GALNT3: variants seen among roughly 807,000 people sequenced by gnomAD.
GALNT3 encodes the protein GalNAc transferase 3.
GALNT3 carries 51 observed loss-of-function variants against 69.8 expected under a neutral mutation model. That is an observed-to-expected ratio of 0.73 (90% confidence interval 0.58 to 0.92). The LOEUF (loss-of-function observed/expected upper bound fraction) is 0.92. Ranked by LOEUF, GALNT3 falls within the 40% of genes least tolerant of loss-of-function variation. The probability of loss-of-function intolerance (pLI) is 0.00; values close to 1 mark genes in which losing one functional copy is unlikely to be tolerated. For synonymous variants in GALNT3, 265 were observed against 248.5 expected, an observed-to-expected ratio of 1.07 and a Z score of -0.63; for missense variants, 711 against 760.0, an observed-to-expected ratio of 0.94 and a Z score of 0.76.
chr2:165,762,548 C>T (rs988784256), intron 3 of GALNT3, among the ~76,000 whole-genome samples: 1 of 152,150 alleles, frequency 6.6e-6, no homozygotes, highest in Non-Finnish European at 1.5e-5. Flanking sequence ...AAATGTTGAG[C>T]CACGTCAGAA....
intron 2 of GALNT3, among the ~76,000 whole-genome samples, chr2:165,767,179 TA>T (rs1412307320): frequency 4.6e-5 from 7 of 151,982 alleles, no homozygotes; most frequent in Non-Finnish European, 1.0e-4. Flanking sequence ...AATATAAGCT[TA>T]TATTTTGAAC....
chr2:165,768,858 A>G (rs1056491202), intron 2 of GALNT3, among the ~76,000 whole-genome samples: 3 of 149,462 alleles, frequency 2.0e-5, no homozygotes, highest in African/African-American at 7.4e-5. Context: ...GCAACGGCAC[A>G]GATCTCCGCT....
intron 1 of GALNT3, among the ~76,000 whole-genome samples, chr2:165,779,127 T>C (rs1683045972): frequency 1.3e-5 from 2 of 152,162 alleles, no homozygotes; most frequent in South Asian, 4.1e-4. Context: ...GAGAAAATCA[T>C]ACTGGGGAGT....
At chr2:165,760,800 T>C (rs779238188) in intron 4 of GALNT3, among the ~76,000 whole-genome samples, 2 of 152,076 alleles carry the variant, frequency 1.3e-5, no homozygotes, top group Non-Finnish European at 2.9e-5. Flanking sequence ...TCATACAAAG[T>C]ATAGCCCACT....
rs754721015 is a variant in GALNT3, at chr2:165,770,622, T to G, written c.79A>C (p.Ile27Leu). 1 of 1,602,000 alleles carries G rather than the reference T, an allele frequency of 6.2e-7. No homozygotes were observed. The highest frequency in any genetic ancestry group is 8.5e-7 in the Non-Finnish European group (1 of 1,175,850). The change falls in exon 2 of 11, where the codon ATT becomes CTT. Residue 27 changes from isoleucine to leucine, a missense_variant. Transcript: ENST00000392701. The stretch of plus-strand genomic sequence containing the variant: ...ACCAAAACTATTATAAAGAAAAAAA[T>G]TACTGCACCAAGCTTCCAGAACTTT... ...HKKFWKLGAVIFFFIIVLVLM... is the reference protein window; with the variant it reads ...HKKFWKLGAVLFFFIIVLVLM...
intron 1 of GALNT3, among the ~76,000 whole-genome samples, chr2:165,777,885 C>T (rs1683001700): frequency 6.6e-6 from 1 of 152,138 alleles, no homozygotes. Context: ...GCTTTCTGAA[C>T]CAAGATATCT....
At position 165,770,747 on chromosome 2, in the gene GALNT3, T is replaced by C. The variant is rs755717102; in HGVS notation, c.-47A>G. 14 of 1,578,482 alleles carry C rather than the reference T, an allele frequency of 8.9e-6. No homozygotes were observed. The highest frequency in any genetic ancestry group is 3.4e-4 in the Middle Eastern group (2 of 5,826). ...CTTGACAAATAACAGTTATTTCTTC[T>C]TCTGTTACTTATATTTTTTATCATA... On this transcript the variant is annotated 5_prime_UTR_variant, in exon 2 of 11. Coordinates refer to ENST00000392701, the MANE Select transcript of GALNT3 (RefSeq NM_004482.4).
chr2:165,788,826 G>C (rs1683285370), intron 1 of GALNT3, among the ~76,000 whole-genome samples: 1 of 152,130 alleles, frequency 6.6e-6, no homozygotes, highest in Non-Finnish European at 1.5e-5. Flanking sequence ...GCAAGTCTCA[G>C]ATCCCATGGG....
At chr2:165,754,849 G>A in intron 8 of GALNT3, 83 bp downstream of exon 8, 1 of 1,480,462 alleles carries the variant, frequency 6.8e-7, no homozygotes, top group East Asian at 2.3e-5. Context: ...AATAAAGAAA[G>A]TATTTCAGCA....
chr2:165,759,695 A>G (rs1688510019), intron 4 of GALNT3, 125 bp from the exon 5 acceptor site: 1 of 711,320 alleles, frequency 1.4e-6, no homozygotes, highest in Non-Finnish European at 2.4e-6. Context: ...ACATGTATAT[A>G]ATGGAGATTT....
intron 1 of GALNT3, among the ~76,000 whole-genome samples, chr2:165,774,930 T>C (rs867187097): frequency 1.1e-4 from 16 of 147,096 alleles, no homozygotes; most frequent in African/African-American, 2.5e-4. Context: ...TTTTTTTTTT[T>C]TGTAGAGATG....
Position 165,749,909 on chromosome 2 carries a change from G to T in GALNT3, c.1627-15C>A. 1.2e-6 allele frequency: 2 copies of T among 1,612,896 alleles called. No individual in the cohort carries two copies. The highest frequency in any genetic ancestry group is 1.7e-6 in the Non-Finnish European group (2 of 1,179,124). Reference sequence around the variant, plus strand: ...TATTCAAAGTACTATGGAAGGAATAGCACTGTTACTGACAAAAGCAACCCA... The same window carrying T: ...TATTCAAAGTACTATGGAAGGAATATCACTGTTACTGACAAAAGCAACCCA... On this transcript the variant is annotated splice_polypyrimidine_tract_variant and intron_variant, in intron 9 of 10. Coordinates refer to ENST00000392701, the MANE Select transcript of GALNT3 (RefSeq NM_004482.4).
In GALNT3 at chr2:165,761,617, G is replaced by GA. The variant is rs71393694; in HGVS notation, c.838+287dup. 242,063 of 527,966 alleles carry GA rather than the reference G, an allele frequency of 0.46. 22,063 individuals are homozygous for GA. Among genetic ancestry groups the GA allele is most frequent in the Admixed American group, 0.5 (14,995 of 29,902 alleles). The allele number at this position is 527,966 out of a possible 1,614,324, so 32.7% of individuals were successfully genotyped here. On this transcript the variant is annotated intron_variant, in intron 4 of 10. Transcript: ENST00000392701. ...TTTTTTTTAACAGAAAAGAAACATG[G>GA]AAAAAAAAAAAAGAGGCAAGGATAA...
At chr2:165,750,832 T>C (rs1343018623) in intron 9 of GALNT3, among the ~76,000 whole-genome samples, 1 of 152,184 alleles carries the variant, frequency 6.6e-6, no homozygotes, top group African/African-American at 2.4e-5. Flanking sequence ...TATGTATCTA[T>C]AACTCTAAGA....
intron 5 of GALNT3, 32 bp from the exon 6 acceptor site, chr2:165,758,896 T>C (rs1688493633): frequency 2.3e-6 from 3 of 1,308,668 alleles, no homozygotes; most frequent in Admixed American, 1.7e-5. Flanking sequence ...AATTTTGTTA[T>C]AAAAACTAAA....
chr2:165,749,095 A>G (rs905474800), intron 10 of GALNT3, among the ~76,000 whole-genome samples, 192 bp from the exon 11 acceptor site: 1 of 152,138 alleles, frequency 6.6e-6, no homozygotes, highest in East Asian at 1.9e-4. Context: ...AATTAGTAAG[A>G]TATTACATAA....
chr2:165,791,180 A>G lies in GALNT3; in HGVS notation c.-109+2835T>C, dbSNP rs532289752. ...AAGGTCCTGGAGCCTCAAGCCCTAC[A>G]ATACATGTTTAATTAGGATTACAGT... On this transcript the variant is annotated intron_variant, in intron 1 of 10. Transcript: ENST00000392701. Among the ~76,000 whole-genome samples, 3 of 152,276 alleles carry G rather than the reference A, an allele frequency of 2.0e-5. No homozygotes were observed. In the South Asian group the frequency reaches 6.2e-4, roughly 32 times the overall value.
At chr2:165,758,580 G>A (rs770163301) in intron 6 of GALNT3, 167 bp downstream of exon 6, 5 of 557,584 alleles carry the variant, frequency 9.0e-6, no homozygotes, top group Admixed American at 3.3e-5. Flanking sequence ...AATATATTAA[G>A]TTACATATTA....
At chr2:165,766,290 AT>A (rs1688641378) in intron 2 of GALNT3, among the ~76,000 whole-genome samples, 1 of 152,240 alleles carries the variant, frequency 6.6e-6, no homozygotes, top group Non-Finnish European at 1.5e-5. Flanking sequence ...CATCTAAAAC[AT>A]TGATTGGGCA....
Sources: allele counts gnomAD v4.1 joint callset (sites outside exome capture counted in the v4.1 genomes callset), GRCh38; gene constraint gnomAD v4.1.1; transcripts MANE v1.5; gene names NCBI Gene and HGNC (gene_info 2026-07-23, HGNC 2026-07-21).